STAG1: variants seen among roughly 807,000 people sequenced by gnomAD.
STAG1 encodes cohesin subunit SA-1.
A neutral mutation model predicts 170.9 loss-of-function variants in STAG1; 26 were observed. The observed-to-expected ratio is 0.15, with a 90% CI of 0.11 to 0.21. The LOEUF is 0.21. Ranked by LOEUF, STAG1 falls within the 10% of genes least tolerant of loss-of-function variation. The pLI, the probability that STAG1 is intolerant of heterozygous loss-of-function variation, is 1.00. For missense variants in STAG1, 964 were observed against 1,509.5 expected, an observed-to-expected ratio of 0.64 and a Z score of 5.99; for synonymous variants, 514 against 497.7, an observed-to-expected ratio of 1.03 and a Z score of -0.44.
intron 5 of STAG1, among the ~76,000 whole-genome samples, chr3:136,557,231 C>T (rs1399747535): frequency 1.3e-5 from 2 of 151,700 alleles, no homozygotes; most frequent in Non-Finnish European, 2.9e-5. Flanking sequence ...GGGTGAGACA[C>T]CATTTTAAAA....
At chr3:136,356,920 T>C (rs920576783) in intron 28 of STAG1, among the ~76,000 whole-genome samples, 2 of 150,032 alleles carry the variant, frequency 1.3e-5, no homozygotes, top group Non-Finnish European at 3.0e-5. Flanking sequence ...GCCTAGCTAA[T>C]TTTTTTTTAT....
chr3:136,743,083 C>G (rs566032958), intron 1 of STAG1, among the ~76,000 whole-genome samples: 27 of 152,226 alleles, frequency 1.8e-4, no homozygotes, highest in African/African-American at 6.5e-4. Flanking sequence ...AAAGAACATA[C>G]TGGCCAGATG....
chr3:136,638,377 C>T (rs1194604096), intron 1 of STAG1, among the ~76,000 whole-genome samples: 2 of 151,886 alleles, frequency 1.3e-5, no homozygotes, highest in Admixed American at 6.6e-5. Flanking sequence ...TCAGGTGATC[C>T]GCCTGCCTCA....
chr3:136,699,550 TA>T (rs1576781028), intron 1 of STAG1, among the ~76,000 whole-genome samples: 2 of 151,654 alleles, frequency 1.3e-5, no homozygotes, highest in African/African-American at 4.9e-5. Context: ...ACGTCTAATT[TA>T]TTTTTTTTTT....
chr3:136,467,720 C>G (rs946473384), intron 12 of STAG1, among the ~76,000 whole-genome samples: 1 of 152,124 alleles, frequency 6.6e-6, no homozygotes, highest in East Asian at 1.9e-4. Flanking sequence ...TTCTCAGCAC[C>G]ACATCACACT....
chr3:136,476,893 A>G (rs1337046536), intron 10 of STAG1, among the ~76,000 whole-genome samples: 6 of 152,134 alleles, frequency 3.9e-5, no homozygotes, highest in Non-Finnish European at 7.4e-5. Context: ...CAACAAATCT[A>G]TTCAAGTCTG....
intron 1 of STAG1, among the ~76,000 whole-genome samples, chr3:136,673,407 AT>A (rs776420411): frequency 1.1e-3 from 165 of 152,124 alleles, no homozygotes; most frequent in Non-Finnish European, 1.7e-3. Context: ...TTTTTATTTT[AT>A]TTTGGGGGAA....
At chr3:136,381,216 T>A (rs367727304) in intron 22 of STAG1, among the ~76,000 whole-genome samples, 1 of 151,984 alleles carries the variant, frequency 6.6e-6, no homozygotes, top group East Asian at 1.9e-4. Context: ...AGCATTTAGA[T>A]AGCAACAGAT....
At chr3:136,701,073 G>T (rs2107907740) in intron 1 of STAG1, among the ~76,000 whole-genome samples, 1 of 151,200 alleles carries the variant, frequency 6.6e-6, no homozygotes, top group Admixed American at 6.6e-5. Flanking sequence ...GTAGAGACAG[G>T]ATTTCACCAC....
intron 21 of STAG1, among the ~76,000 whole-genome samples, chr3:136,401,135 GATC>G (rs1187671775): frequency 6.6e-6 from 1 of 152,126 alleles, no homozygotes; most frequent in Non-Finnish European, 1.5e-5. Context: ...ATAACATCTT[GATC>G]TTATTGTAAA....
rs142120925 is a variant in STAG1 at position 136,614,782 on chromosome 3, T to C, written c.132+8364A>G. Among the ~76,000 whole-genome samples the C allele has an allele frequency of 8.9e-3, 1,354 of 151,464 alleles. 11 individuals carry two copies. The highest frequency in any genetic ancestry group is 0.02 in the Middle Eastern group (6 of 294). ...GAATGTGCAATGACTTTCCTAGAAG[T>C]TTTAAGAAACAAAGATACAAAAACA... On this transcript the variant is annotated intron_variant, in intron 3 of 33. Coordinates refer to ENST00000383202, the MANE Select transcript of STAG1 (RefSeq NM_005862.3).
At chr3:136,729,870 C>T (rs1036780029) in intron 1 of STAG1, among the ~76,000 whole-genome samples, 3 of 140,600 alleles carry the variant, frequency 2.1e-5, no homozygotes, top group Non-Finnish European at 4.5e-5. Context: ...TGAGCCACCA[C>T]GCCAGGCTTT....
intron 1 of STAG1, among the ~76,000 whole-genome samples, chr3:136,707,594 C>T (rs1943263114): frequency 7.3e-6 from 1 of 137,102 alleles, no homozygotes; most frequent in Non-Finnish European, 1.6e-5. Flanking sequence ...GGTTCTGCAG[C>T]CTGAGAAGTT....
At chr3:136,625,970 T>C (rs1940072352) in intron 2 of STAG1, among the ~76,000 whole-genome samples, 1 of 151,806 alleles carries the variant, frequency 6.6e-6, no homozygotes, top group Admixed American at 6.6e-5. Flanking sequence ...CGAGAATCGC[T>C]TGAACCCGGG....
intron 1 of STAG1, chr3:136,736,828 C>G (rs528260146): frequency 2.9e-5 from 46 of 1,580,814 alleles, no homozygotes; most frequent in Non-Finnish European, 3.9e-5. Flanking sequence ...TTCCTTCCTT[C>G]TTTGTTTTTT....
chr3:136,504,826 T>G (rs1162784881), intron 7 of STAG1, among the ~76,000 whole-genome samples: 7 of 152,182 alleles, frequency 4.6e-5, no homozygotes, highest in African/African-American at 1.7e-4. Flanking sequence ...GTATATCTTC[T>G]TGTGAACCCA....
chr3:136,682,446 A>AATATAT (rs35792608), intron 1 of STAG1, among the ~76,000 whole-genome samples: 21 of 146,332 alleles, frequency 1.4e-4, no homozygotes, highest in South Asian at 4.3e-4. Flanking sequence ...AAAAAAATAA[A>AATATAT]ATATATATAT....
intron 22 of STAG1, among the ~76,000 whole-genome samples, chr3:136,394,156 T>C (rs558988150): frequency 6.6e-6 from 1 of 152,340 alleles, no homozygotes; most frequent in African/African-American, 2.4e-5. Flanking sequence ...TCCGCCTGCC[T>C]TGGCTTCCCA....
chr3:136,372,464 A>G (rs1388238461), intron 23 of STAG1, among the ~76,000 whole-genome samples: 1 of 152,170 alleles, frequency 6.6e-6, no homozygotes, highest in African/African-American at 2.4e-5. Context: ...TTGTCCATCC[A>G]GTATGATATT....
Sources: gnomAD v4.1 joint callset for allele counts (sites outside exome capture counted in the v4.1 genomes callset) on GRCh38, gnomAD v4.1.1 for gene constraint, MANE v1.5 for transcripts, NCBI Gene and HGNC (gene_info 2026-07-23, HGNC 2026-07-21) for gene names.